DCC: variants seen among roughly 807,000 people sequenced by gnomAD.
DCC encodes the protein DCC netrin 1 receptor.
Under a neutral mutation model 172.5 loss-of-function variants are expected in DCC, and 58 were observed. The ratio of observed to expected loss-of-function variants is 0.34; its 90% confidence interval spans 0.27 to 0.42. The LOEUF is 0.42. Ranked by LOEUF, DCC falls within the 10% of genes least tolerant of loss-of-function variation. DCC has a pLI of 1.00. For synonymous variants in DCC, 709 were observed against 644.5 expected, an observed-to-expected ratio of 1.10 and a Z score of -1.52; for missense variants, 1,740 against 1,791.0, an observed-to-expected ratio of 0.97 and a Z score of 0.51.
intron 1 of DCC, among the ~76,000 whole-genome samples, chr18:52,744,852 A>G (rs925328006): frequency 6.6e-6 from 1 of 152,342 alleles, no homozygotes; most frequent in East Asian, 1.9e-4. Context: ...GTGGAACTAA[A>G]ATGGAATAAA....
chr18:52,709,036 T>C (rs1202035692), intron 1 of DCC, among the ~76,000 whole-genome samples: 1 of 152,154 alleles, frequency 6.6e-6, no homozygotes, highest in Non-Finnish European at 1.5e-5. Context: ...CAATCTTTTC[T>C]CTTCTTTTTC....
chr18:52,723,443 T>C (rs2036502804), intron 1 of DCC, among the ~76,000 whole-genome samples: 1 of 152,232 alleles, frequency 6.6e-6, no homozygotes, highest in Non-Finnish European at 1.5e-5. Flanking sequence ...ACCAAGGCAT[T>C]GTAGAACGCC....
At chr18:52,661,798 T>C (rs1042791458) in intron 1 of DCC, among the ~76,000 whole-genome samples, 2 of 152,254 alleles carry the variant, frequency 1.3e-5, no homozygotes, top group Non-Finnish European at 2.9e-5. Flanking sequence ...AGAAGTCTGC[T>C]GAAAGCAGAA....
At chr18:52,389,879 A>G (rs959404663) in intron 1 of DCC, among the ~76,000 whole-genome samples, 6 of 152,232 alleles carry the variant, frequency 3.9e-5, no homozygotes, top group Non-Finnish European at 8.8e-5. Context: ...GATTCAATGA[A>G]TAAAAACAAA....
At chr18:52,647,538 C>T (rs1314942697) in intron 1 of DCC, among the ~76,000 whole-genome samples, 1 of 152,158 alleles carries the variant, frequency 6.6e-6, no homozygotes, top group Non-Finnish European at 1.5e-5. Flanking sequence ...TCTGGAATCC[C>T]ATGCTAGGTG....
intron 5 of DCC, among the ~76,000 whole-genome samples, chr18:52,945,070 T>A (rs1436129921): frequency 6.6e-6 from 1 of 152,218 alleles, no homozygotes; most frequent in Non-Finnish European, 1.5e-5. Flanking sequence ...GTTACCATAT[T>A]GTGACATGCC....
rs1413692943 is a variant in DCC, at chr18:52,752,327, G to T, written c.365G>T (p.Gly122Val). 6.2e-7 allele frequency: 1 copy of T among 1,614,188 alleles called. No individual in the cohort carries two copies. The highest frequency in any genetic ancestry group is 2.2e-5 in the East Asian group (1 of 44,876). The part of the protein sequence containing the change: ...EGLYQCEASL[G>V]DSGSIISRTA... Reference sequence around the variant, plus strand: ...CTTTACCAATGTGAGGCATCTTTAGGAGATTCTGGCTCAATTATTAGTCGG... The same window carrying T: ...CTTTACCAATGTGAGGCATCTTTAGTAGATTCTGGCTCAATTATTAGTCGG... The change falls in exon 2 of 29, where the codon GGA becomes GTA. Residue 122 changes from glycine to valine, a missense_variant. By Grantham distance (109) the Gly-to-Val change is moderately radical. Coordinates refer to ENST00000442544, the MANE Select transcript of DCC (RefSeq NM_005215.4).
chr18:52,825,624 G>C (rs918995438), intron 2 of DCC, among the ~76,000 whole-genome samples: 1 of 152,154 alleles, frequency 6.6e-6, no homozygotes, highest in Non-Finnish European at 1.5e-5. Context: ...TGAAATTTCT[G>C]AGAAAGTTTC....
intron 1 of DCC, among the ~76,000 whole-genome samples, chr18:52,664,971 C>T (rs2144956434): frequency 6.6e-6 from 1 of 152,332 alleles, no homozygotes; most frequent in African/African-American, 2.4e-5. Context: ...AATCTCCTCA[C>T]CAAATTTCTG....
intron 14 of DCC, among the ~76,000 whole-genome samples, chr18:53,322,377 T>A (rs1165724777): frequency 6.6e-6 from 1 of 152,174 alleles, no homozygotes; most frequent in Non-Finnish European, 1.5e-5. Context: ...GATTATGCAA[T>A]AATCATGGTC....
chr18:52,868,091 A>G (rs112940066), intron 2 of DCC, among the ~76,000 whole-genome samples: 80 of 142,180 alleles, frequency 5.6e-4, no homozygotes, highest in East Asian at 2.9e-3. Context: ...ATATGTGTGT[A>G]TATATATATG....
chr18:53,210,508 T>G (rs1396918962), intron 11 of DCC, among the ~76,000 whole-genome samples: 2 of 152,216 alleles, frequency 1.3e-5, no homozygotes, highest in Non-Finnish European at 2.9e-5. Flanking sequence ...GCTGTTATAT[T>G]CACCTCTGTT....
At chr18:52,964,003 CA>C (rs2040888419) in intron 5 of DCC, among the ~76,000 whole-genome samples, 1 of 152,074 alleles carries the variant, frequency 6.6e-6, no homozygotes, top group Non-Finnish European at 1.5e-5. Flanking sequence ...ATGCATATTA[CA>C]ATCACTAGAC....
At chr18:53,407,330 T>C (rs1220257016) in intron 19 of DCC, among the ~76,000 whole-genome samples, 6 of 151,714 alleles carry the variant, frequency 4.0e-5, no homozygotes, top group Non-Finnish European at 8.8e-5. Context: ...CGATACCTCT[T>C]ATGTGAATAT....
chr18:53,504,697 T>TTCTAAAA (rs2046148248), intron 27 of DCC, among the ~76,000 whole-genome samples: 1 of 152,190 alleles, frequency 6.6e-6, no homozygotes, highest in African/African-American at 2.4e-5. Context: ...AATTAGTATT[T>TTCTAAAA]CCTCTGAGGT....
intron 2 of DCC, among the ~76,000 whole-genome samples, chr18:52,842,315 G>A (rs1407596313): frequency 6.6e-6 from 1 of 152,152 alleles, no homozygotes; most frequent in Non-Finnish European, 1.5e-5. Context: ...TGGAGGCTGA[G>A]AAGTCCCATG....
At chr18:52,710,057 A>C (rs772765033) in intron 1 of DCC, among the ~76,000 whole-genome samples, 1 of 152,228 alleles carries the variant, frequency 6.6e-6, no homozygotes, top group Non-Finnish European at 1.5e-5. Context: ...AAAGGTCTTA[A>C]AAGTGTTTGC....
intron 1 of DCC, among the ~76,000 whole-genome samples, chr18:52,570,793 T>G (rs1312892737): frequency 6.6e-6 from 1 of 152,172 alleles, no homozygotes; most frequent in Non-Finnish European, 1.5e-5. Context: ...ATGATCATTA[T>G]TTTGCTGAAT....
intron 2 of DCC, among the ~76,000 whole-genome samples, chr18:52,807,720 G>T (rs1176390804): frequency 6.6e-6 from 1 of 152,110 alleles, no homozygotes; most frequent in African/African-American, 2.4e-5. Flanking sequence ...TACCAGATCC[G>T]TATATAATAC....
Sources: gnomAD v4.1 joint callset for allele counts (sites outside exome capture counted in the v4.1 genomes callset) on GRCh38, gnomAD v4.1.1 for gene constraint, MANE v1.5 for transcripts, NCBI Gene and HGNC (gene_info 2026-07-23, HGNC 2026-07-21) for gene names.